The following NPAS3 variants were observed in gnomAD, a reference collection of about 807,000 sequenced individuals.
The protein encoded by NPAS3 is neuronal PAS domain-containing protein 3.
NPAS3 carries 14 observed loss-of-function variants against 73.1 expected under a neutral mutation model. The observed-to-expected ratio is 0.19, with a 90% CI of 0.13 to 0.30. NPAS3 has a LOEUF of 0.30. NPAS3 is among the 10% of genes least tolerant of loss of function. NPAS3 has a pLI of 1.00. For missense variants in NPAS3, 1,096 were observed against 1,250.0 expected, an observed-to-expected ratio of 0.88 and a Z score of 1.86; for synonymous variants, 620 against 541.5, an observed-to-expected ratio of 1.14 and a Z score of -2.01.
chr14:33,047,094 G>A (rs1334007565), intron 1 of NPAS3, among the ~76,000 whole-genome samples: 2 of 152,166 alleles, frequency 1.3e-5, no homozygotes, highest in Non-Finnish European at 2.9e-5. Flanking sequence ...AGAATTGGGA[G>A]TCGTTGGCAT....
intron 4 of NPAS3, among the ~76,000 whole-genome samples, chr14:33,389,593 C>T (rs1243514973): frequency 6.6e-6 from 1 of 152,116 alleles, no homozygotes; most frequent in Non-Finnish European, 1.5e-5. Flanking sequence ...TTAGCGGGGG[C>T]TGTTGCTTGA....
chr14:33,244,455 A>G (rs1279555089), intron 3 of NPAS3, among the ~76,000 whole-genome samples: 1 of 152,160 alleles, frequency 6.6e-6, no homozygotes, highest in East Asian at 1.9e-4. Flanking sequence ...ATAGTGGTAC[A>G]TAAACACTTG....
At chr14:33,674,738 C>G (rs765111993) in intron 5 of NPAS3, among the ~76,000 whole-genome samples, 1 of 152,154 alleles carries the variant, frequency 6.6e-6, no homozygotes, top group Admixed American at 6.5e-5. Flanking sequence ...AAAAGTTACG[C>G]GAGCCTTTTT....
At chr14:33,106,106 C>G (rs1202834611) in intron 2 of NPAS3, among the ~76,000 whole-genome samples, 1 of 152,126 alleles carries the variant, frequency 6.6e-6, no homozygotes, top group Admixed American at 6.6e-5. Context: ...TTGCTGTGAT[C>G]AAAGCTCCAA....
At chr14:33,678,703 A>T (rs557092048) in intron 6 of NPAS3, among the ~76,000 whole-genome samples, 1 of 151,600 alleles carries the variant, frequency 6.6e-6, no homozygotes, top group Non-Finnish European at 1.5e-5. Flanking sequence ...CTGTCAATTC[A>T]TACTGAGTTT....
intron 5 of NPAS3, among the ~76,000 whole-genome samples, chr14:33,626,316 C>A (rs2058218145): frequency 6.6e-6 from 1 of 152,102 alleles, no homozygotes; most frequent in South Asian, 2.1e-4. Context: ...CAGAAGAGGT[C>A]ACTGATTTCC....
At chr14:33,004,817 C>CTTTTTTTTTTTTTTTTTTTTTTTTT in intron 1 of NPAS3, among the ~76,000 whole-genome samples, 669 of 63,680 alleles carry the variant, frequency 0.011, 97 homozygotes, top group East Asian at 0.023. Flanking sequence ...AAAAGTTTTC[C>CTTTTTTTTTTTTTTTTTTTTTTTTT]TTTTTTTTTT....
intron 3 of NPAS3, among the ~76,000 whole-genome samples, chr14:33,293,695 G>C (rs149388202): frequency 3.1e-3 from 465 of 152,256 alleles, no homozygotes; most frequent in Middle Eastern, 0.01. Context: ...ATTGTAAAAG[G>C]TTAGTAATTA....
chr14:33,353,231 T>A (rs17568736), intron 3 of NPAS3, among the ~76,000 whole-genome samples: 1 of 151,970 alleles, frequency 6.6e-6, no homozygotes, highest in Non-Finnish European at 1.5e-5. Flanking sequence ...TTCTCTTTAT[T>A]GGCATAATCA....
intron 4 of NPAS3, among the ~76,000 whole-genome samples, chr14:33,552,491 C>A (rs1324047904): frequency 6.6e-6 from 1 of 152,100 alleles, no homozygotes; most frequent in Non-Finnish European, 1.5e-5. Context: ...ACTGAGTGAA[C>A]TGAGCATTGT....
intron 1 of NPAS3, among the ~76,000 whole-genome samples, chr14:32,945,749 A>T (rs192661586): frequency 6.6e-6 from 1 of 152,320 alleles, no homozygotes; most frequent in East Asian, 1.9e-4. Flanking sequence ...GTTTGGAGAA[A>T]TACAGTGTTT....
intron 4 of NPAS3, among the ~76,000 whole-genome samples, chr14:33,494,972 T>A (rs2052098163): frequency 6.6e-6 from 1 of 152,098 alleles, no homozygotes; most frequent in East Asian, 1.9e-4. Context: ...ATGCAGTACC[T>A]CCTTCAGTTC....
At chr14:33,260,653 T>C (rs981937889) in intron 3 of NPAS3, among the ~76,000 whole-genome samples, 2 of 152,192 alleles carry the variant, frequency 1.3e-5, no homozygotes, top group Admixed American at 6.5e-5. Context: ...TTCAGAATTT[T>C]TTTCTTCTGT....
chr14:33,227,785 C>A (rs538077265), intron 3 of NPAS3, among the ~76,000 whole-genome samples: 1 of 152,244 alleles, frequency 6.6e-6, no homozygotes, highest in East Asian at 1.9e-4. Flanking sequence ...GTTCTAACAA[C>A]CTGTAATAAA....
At chr14:33,140,099 T>C (rs577295550) in intron 2 of NPAS3, among the ~76,000 whole-genome samples, 3 of 152,346 alleles carry the variant, frequency 2.0e-5, no homozygotes, top group Non-Finnish European at 2.9e-5. Context: ...AGGCCTATGA[T>C]GAAGTGTACT....
At chr14:33,377,875 T>C (rs148139127) in intron 4 of NPAS3, among the ~76,000 whole-genome samples, 36 of 152,298 alleles carry the variant, frequency 2.4e-4, no homozygotes, top group Admixed American at 4.6e-4. Flanking sequence ...TCAGTAAATA[T>C]TTACTCCATG....
At chr14:32,964,184 A>AG (rs1293187773) in intron 1 of NPAS3, among the ~76,000 whole-genome samples, 381 of 149,528 alleles carry the variant, frequency 2.5e-3, no homozygotes, top group Non-Finnish European at 4.7e-3. Context: ...AAAAAAAAAA[A>AG]AGAGAACATT....
intron 3 of NPAS3, among the ~76,000 whole-genome samples, chr14:33,229,847 T>G (rs997744096): frequency 6.6e-6 from 1 of 152,256 alleles, no homozygotes; most frequent in Non-Finnish European, 1.5e-5. Flanking sequence ...GCATTTATGA[T>G]GCTATTTTTA....
chr14:33,315,522 T>TTGTG (rs1594672365), intron 3 of NPAS3, among the ~76,000 whole-genome samples: 2 of 150,510 alleles, frequency 1.3e-5, no homozygotes, highest in East Asian at 3.9e-4. Flanking sequence ...GGGAGTGTGT[T>TTGTG]TGTGTGTGTG....
Sources: allele counts gnomAD v4.1 joint callset (sites outside exome capture counted in the v4.1 genomes callset), GRCh38; gene constraint gnomAD v4.1.1; transcripts MANE v1.5; gene names NCBI Gene and HGNC (gene_info 2026-07-23, HGNC 2026-07-21).